NEBL: variants seen among roughly 807,000 people sequenced by gnomAD.
The protein encoded by NEBL is LIM and SH3 protein 2.
Under a neutral mutation model 140.2 loss-of-function variants are expected in NEBL, and 122 were observed. The observed-to-expected ratio is 0.87, with a 90% confidence interval of 0.75 to 1.01. The LOEUF (loss-of-function observed/expected upper bound fraction) is 1.01. NEBL is among the 50% of genes least tolerant of loss of function. NEBL has a pLI of 0.00. For missense variants in NEBL, 1,365 were observed against 1,231.3 expected (o/e 1.11, Z -1.62); for synonymous variants, 436 against 398.9 (o/e 1.09, Z -1.11).
chr10:20,963,064 T>A (rs1589082005), intron 3 of NEBL, among the ~76,000 whole-genome samples: 1 of 150,454 alleles, frequency 6.6e-6, no homozygotes, highest in African/African-American at 2.5e-5. Flanking sequence ...CTAGATACTC[T>A]CATCGCTTTT....
At chr10:20,920,939 C>G (rs957113695) in intron 4 of NEBL, among the ~76,000 whole-genome samples, 2 of 152,128 alleles carry the variant, frequency 1.3e-5, no homozygotes, top group African/African-American at 4.8e-5. Context: ...TTCTAGCCAG[C>G]TTGCTATTCA....
At chr10:21,261,639 C>G (rs1842740441) in intron 1 of NEBL, among the ~76,000 whole-genome samples, 1 of 150,400 alleles carries the variant, frequency 6.6e-6, no homozygotes, top group Non-Finnish European at 1.5e-5. Flanking sequence ...AGAGTGAGAC[C>G]CTGTCTCAAA....
chr10:21,037,732 A>C (rs990507061), intron 2 of NEBL, among the ~76,000 whole-genome samples: 1 of 152,186 alleles, frequency 6.6e-6, no homozygotes, highest in Non-Finnish European at 1.5e-5. Flanking sequence ...GTGATTGTTG[A>C]AATAAAATAG....
chr10:21,203,101 A>G (rs757123205), intron 3 of NEBL, among the ~76,000 whole-genome samples: 3 of 152,236 alleles, frequency 2.0e-5, no homozygotes, highest in Non-Finnish European at 4.4e-5. Context: ...TCTCTTGGAG[A>G]TTCCTGAATC....
intron 2 of NEBL, among the ~76,000 whole-genome samples, chr10:21,250,062 C>G (rs1434054700): frequency 6.9e-6 from 1 of 144,780 alleles, no homozygotes; most frequent in African/African-American, 2.5e-5. Context: ...AACTCCGTCT[C>G]AAAAAAAAAA....
At chr10:20,812,305 A>C (rs1345357100) in intron 24 of NEBL, among the ~76,000 whole-genome samples, 1 of 152,106 alleles carries the variant, frequency 6.6e-6, no homozygotes, top group African/African-American at 2.4e-5. Context: ...TCTTTGCTTA[A>C]CAAGGAGGAA....
Position 20,812,797 on chromosome 10 carries a change from C to A in NEBL, c.2490G>T (p.Glu830Asp). 1 of 1,614,022 alleles carries A rather than the reference C, an allele frequency of 6.2e-7. No homozygotes were observed. Among genetic ancestry groups the A allele is most frequent in the Non-Finnish European group, 8.5e-7 (1 of 1,179,936 alleles). Residue 830 changes from glutamate (E) to aspartate (D), a missense_variant, in exon 24 of 28, where the codon GAG (glutamate) becomes GAT (aspartate). Glu to Asp is a conservative substitution (Grantham distance 45). Transcript: ENST00000377122. Reference protein sequence around the residue: ...AYKGVHPHIVEMDRRPGIIVD... With the variant: ...AYKGVHPHIVDMDRRPGIIVD... The stretch of plus-strand genomic sequence containing the variant: ...CAATGATTCCAGGTCTCCTGTCCAT[C>A]TCCACGATGTGAGGGTGGACCCCTT...
intron 3 of NEBL, among the ~76,000 whole-genome samples, chr10:21,219,443 T>C (rs1169121847): frequency 6.6e-6 from 1 of 152,158 alleles, no homozygotes; most frequent in African/African-American, 2.4e-5. Context: ...TTTCCTCAAA[T>C]AAGCTCATTT....
At chr10:20,902,261 C>T (rs1332220789), upstream of NEBL, among the ~76,000 whole-genome samples, 1 of 152,068 alleles carries the variant, frequency 6.6e-6, no homozygotes, top group East Asian at 1.9e-4. Flanking sequence ...AAAAAATTAG[C>T]TGGGCATGGT....
At chr10:20,890,512 T>C (rs1349160774) in intron 2 of NEBL, among the ~76,000 whole-genome samples, 1 of 152,084 alleles carries the variant, frequency 6.6e-6, no homozygotes, top group Admixed American at 6.5e-5. Flanking sequence ...TCCTCCCAAT[T>C]TATGAGCACC....
intron 7 of NEBL, among the ~76,000 whole-genome samples, chr10:20,864,292 A>C (rs1287635533): frequency 6.6e-6 from 1 of 152,210 alleles, no homozygotes; most frequent in Non-Finnish European, 1.5e-5. Flanking sequence ...CAATCCCTTC[A>C]TCTTCGCATA....
At chr10:20,874,592 G>A (rs557102103) in intron 5 of NEBL, among the ~76,000 whole-genome samples, 6 of 152,138 alleles carry the variant, frequency 3.9e-5, no homozygotes, top group African/African-American at 1.4e-4. Flanking sequence ...TGGTAACACT[G>A]TAAAGCCTCC....
intron 4 of NEBL, among the ~76,000 whole-genome samples, chr10:20,943,490 A>G (rs1336286228): frequency 6.6e-6 from 1 of 152,180 alleles, no homozygotes; most frequent in African/African-American, 2.4e-5. Flanking sequence ...CCTAATGTTA[A>G]TTGACGAGTT....
At chr10:20,872,482 T>C (rs981009533) in intron 5 of NEBL, among the ~76,000 whole-genome samples, 2 of 152,128 alleles carry the variant, frequency 1.3e-5, no homozygotes, top group African/African-American at 2.4e-5. Flanking sequence ...ATATATGGAA[T>C]GGCAACATGG....
intron 11 of NEBL, among the ~76,000 whole-genome samples, chr10:20,846,482 C>T (rs891613395): frequency 2.0e-5 from 3 of 152,108 alleles, no homozygotes; most frequent in Non-Finnish European, 4.4e-5. Context: ...TAACAAACAA[C>T]GTGGATATAG....
rs7085509 is a variant in NEBL at position 21,127,610 on chromosome 10, A to G, written c.164+44773T>C. Among the ~76,000 whole-genome samples, 1,487 of 152,208 alleles carry G rather than the reference A, an allele frequency of 9.8e-3. 19 individuals carry two copies. The highest frequency in any genetic ancestry group is 0.034 in the African/African-American group (1,424 of 41,516). ...AGCCAGAATATTATCAGGCCTGTTG[A>G]TCTATGAGTTTATATGAAACATGGG... On this transcript the variant is annotated intron_variant, in intron 2 of 6. Transcript: ENST00000417816.
intron 27 of NEBL, 99 bp from the exon 28 acceptor site, chr10:20,786,022 G>T: frequency 8.3e-7 from 1 of 1,198,558 alleles, no homozygotes; most frequent in Non-Finnish European, 1.2e-6. Context: ...TAACTATTAG[G>T]AATGTTTTCA....
Position 20,806,264 on chromosome 10 carries a change from C to T in NEBL, c.2761+2246G>A, listed in dbSNP as rs148296540. Among the ~76,000 whole-genome samples, 1,289 of 151,790 alleles carry T rather than the reference C, an allele frequency of 8.5e-3. 22 individuals carry two copies. Among genetic ancestry groups the T allele is most frequent in the African/African-American group, 0.029 (1,191 of 41,386 alleles). ...GTAGAGGCATCCAAGCAGAGGCCCT[C>T]CGAATTCCTGATCTCTACACAGATT... On this transcript the variant is annotated intron_variant, in intron 26 of 27. Coordinates refer to ENST00000377122, the MANE Select transcript of NEBL (RefSeq NM_006393.3).
At chr10:20,941,203 C>A (rs1463392413) in intron 4 of NEBL, among the ~76,000 whole-genome samples, 1 of 152,176 alleles carries the variant, frequency 6.6e-6, no homozygotes, top group Admixed American at 6.5e-5. Context: ...TACTGGCAAA[C>A]CAAATCCAGC....
Sources: gnomAD v4.1 joint callset for allele counts (sites outside exome capture counted in the v4.1 genomes callset) on GRCh38, gnomAD v4.1.1 for gene constraint, MANE v1.5 for transcripts, NCBI Gene and HGNC (gene_info 2026-07-23, HGNC 2026-07-21) for gene names.